The following UBXN2A variants were observed in gnomAD, a reference collection of about 807,000 sequenced individuals.
The protein encoded by UBXN2A is UBX domain-containing protein 2A.
Under a neutral mutation model 28.4 loss-of-function variants are expected in UBXN2A, and 28 were observed. The observed-to-expected ratio is 0.99, with a 90% CI of 0.73 to 1.35. UBXN2A has a LOEUF of 1.35. Among genes scored for constraint, UBXN2A ranks in the 40% most tolerant of loss-of-function variants. The pLI, the probability that UBXN2A is intolerant of heterozygous loss-of-function variation, is 0.00. For synonymous variants in UBXN2A, 97 were observed against 103.6 expected (o/e 0.94, Z 0.39); for missense variants, 253 against 297.9 (o/e 0.85, Z 1.11).
chr2:23,965,635 T>C (rs900078141), intron 2 of UBXN2A, among the ~76,000 whole-genome samples: 1 of 152,208 alleles, frequency 6.6e-6, no homozygotes, highest in Non-Finnish European at 1.5e-5. Context: ...TTTTGTTGAG[T>C]ATTTTTGCAT....
At chr2:23,960,996 A>G (rs897135165) in intron 2 of UBXN2A, among the ~76,000 whole-genome samples, 2 of 151,796 alleles carry the variant, frequency 1.3e-5, no homozygotes, top group Non-Finnish European at 2.9e-5. Flanking sequence ...GCAGTTATAC[A>G]ATATGTGGTC....
At chr2:23,943,458 G>T (rs893308669) in intron 1 of UBXN2A, among the ~76,000 whole-genome samples, 1 of 152,090 alleles carries the variant, frequency 6.6e-6, no homozygotes, top group African/African-American at 2.4e-5. Context: ...AGGAATCATG[G>T]AAGGTTTTCT....
chr2:23,990,532 C>CCG (rs1708313723), intron 6 of UBXN2A, among the ~76,000 whole-genome samples: 1 of 27,882 alleles, frequency 3.6e-5, no homozygotes, highest in African/African-American at 1.5e-4. Flanking sequence ...TTTGGGAGGC[C>CCG]GGGGGGGCGG....
chr2:23,968,718 GTA>G (rs1325073684), intron 2 of UBXN2A, among the ~76,000 whole-genome samples: 4 of 150,304 alleles, frequency 2.7e-5, no homozygotes, highest in Non-Finnish European at 5.9e-5. Context: ...TCCTGGCACA[GTA>G]TAAGAGGTAT....
intron 2 of UBXN2A, among the ~76,000 whole-genome samples, chr2:23,963,289 G>A (rs1308067820): frequency 2.6e-5 from 4 of 151,892 alleles, no homozygotes; most frequent in Admixed American, 2.0e-4. Context: ...GGCTGAGGCG[G>A]GCGGATCACG....
intron 2 of UBXN2A, among the ~76,000 whole-genome samples, chr2:23,963,357 A>C (rs1389345327): frequency 6.6e-6 from 1 of 152,036 alleles, no homozygotes; most frequent in Non-Finnish European, 1.5e-5. Context: ...TCTACTAAAA[A>C]TACAAAAAGT....
At chr2:23,997,604 C>T (rs1460535383) in intron 6 of UBXN2A, among the ~76,000 whole-genome samples, 7 of 151,704 alleles carry the variant, frequency 4.6e-5, no homozygotes, top group African/African-American at 1.7e-4. Context: ...GGCACCACCA[C>T]ACCCAGCTAG....
chr2:23,977,074 G>C lies in UBXN2A; in HGVS notation c.286G>C (p.Gly96Arg), dbSNP rs986780230. The change falls in exon 4 of 7, where the codon GGG becomes CGG. Residue 96 changes from glycine (G) to arginine (R), a missense_variant and splice_region_variant. Coordinates refer to ENST00000309033, the MANE Select transcript of UBXN2A (RefSeq NM_181713.4). Reference sequence around the variant, plus strand: ...GCAGTTTTTGAACTCCATCAAAAAGGGGTGAGTAGCCAGGTGTGGTAGGTC... The same window carrying C: ...GCAGTTTTTGAACTCCATCAAAAAGCGGTGAGTAGCCAGGTGTGGTAGGTC... ...SQQFLNSIKK[G>R]ELPSELQGIF... 1.9e-6 allele frequency: 3 copies of C among 1,610,436 alleles called. No individual in the cohort carries two copies. The highest frequency in any genetic ancestry group is 3.3e-5 in the Admixed American group (2 of 59,912).
intron 6 of UBXN2A, 57 bp from the exon 7 acceptor site, chr2:23,999,615 A>G: frequency 6.5e-7 from 1 of 1,528,002 alleles, no homozygotes; most frequent in Non-Finnish European, 8.9e-7. Flanking sequence ...TTGTTACTAT[A>G]AATTAGGTAA....
chr2:23,927,643 G>GA lies in UBXN2A; in HGVS notation c.-138+31dup, dbSNP rs1553465130. ...AAGCTTAAGAAGAGAAGGGGGGGGG[G>GA]AAACACCATGCTAGAACTCTGCGTT... On this transcript the variant is annotated intron_variant, in intron 1 of 7. Transcript: ENST00000404924. The GA allele has an allele frequency of 7.7e-3, 1,098 of 142,590 alleles. 11 individuals carry two copies. The highest frequency in any genetic ancestry group is 0.038 in the East Asian group (172 of 4,554). The allele number at this position is 142,590 out of a possible 1,614,324, so 8.8% of individuals were successfully genotyped here.
chr2:23,950,435 G>C (rs1451248966), intron 1 of UBXN2A, among the ~76,000 whole-genome samples: 1 of 151,592 alleles, frequency 6.6e-6, no homozygotes, highest in Non-Finnish European at 1.5e-5. Flanking sequence ...ACGGATTCTC[G>C]CTCTGTTGTC....
At chr2:23,994,471 T>C (rs80188431) in intron 6 of UBXN2A, among the ~76,000 whole-genome samples, 4,114 of 152,320 alleles carry the variant, frequency 0.027, 85 homozygotes, top group South Asian at 0.075. Flanking sequence ...TTATATTCTT[T>C]TCTAATTTTT....
chr2:23,933,356 A>T (rs1705431948), intron 1 of UBXN2A, among the ~76,000 whole-genome samples: 1 of 151,792 alleles, frequency 6.6e-6, no homozygotes, highest in African/African-American at 2.4e-5. Flanking sequence ...AAAATACAAA[A>T]TTAGCTGGGC....
At position 23,990,326 on chromosome 2, in the gene UBXN2A, T is replaced by C. The variant is rs1708305912; in HGVS notation, c.584+5495T>C. On this transcript the variant is annotated intron_variant, in intron 6 of 6. Coordinates refer to ENST00000309033, the MANE Select transcript of UBXN2A (RefSeq NM_181713.4). ...CACACTGCAGTCAACTGCTCTTCCA[T>C]ATGAATGCTTTTTTACTCTGCTTGG... 2.0e-5 allele frequency among the ~76,000 whole-genome samples: 3 copies of C among 151,784 alleles called. 1 individual carries two copies. In the South Asian group the frequency reaches 6.3e-4, roughly 32 times the overall value.
At chr2:23,991,109 TTG>T (rs1708336188) in intron 6 of UBXN2A, among the ~76,000 whole-genome samples, 2 of 152,310 alleles carry the variant, frequency 1.3e-5, no homozygotes, top group Admixed American at 1.3e-4. Context: ...CATTAAAAAA[TTG>T]TGTTTTTCTT....
At chr2:23,969,402 T>G (rs546305601) in intron 2 of UBXN2A, among the ~76,000 whole-genome samples, 1 of 150,398 alleles carries the variant, frequency 6.6e-6, no homozygotes, top group Admixed American at 6.6e-5. Flanking sequence ...TTTGCTCTGT[T>G]GCCAGGCTGG....
chr2:23,962,019 A>G (rs1445218171), intron 2 of UBXN2A, among the ~76,000 whole-genome samples: 2 of 151,702 alleles, frequency 1.3e-5, no homozygotes, highest in African/African-American at 4.8e-5. Flanking sequence ...TAATTTTTGT[A>G]CTTTTAGTAG....
At chr2:23,956,815 G>T (rs2150831094) in intron 1 of UBXN2A, among the ~76,000 whole-genome samples, 1 of 152,270 alleles carries the variant, frequency 6.6e-6, no homozygotes, top group East Asian at 1.9e-4. Flanking sequence ...GGCACTTGAT[G>T]TGCTCATTGC....
At chr2:23,972,353 C>G (rs1233664994) in intron 3 of UBXN2A, among the ~76,000 whole-genome samples, 2 of 152,080 alleles carry the variant, frequency 1.3e-5, no homozygotes, top group Non-Finnish European at 2.9e-5. Flanking sequence ...GATTTTGAGT[C>G]TTGAATTTGG....
Sources: allele counts gnomAD v4.1 joint callset (sites outside exome capture counted in the v4.1 genomes callset), GRCh38; gene constraint gnomAD v4.1.1; transcripts MANE v1.5; gene names NCBI Gene and HGNC (gene_info 2026-07-23, HGNC 2026-07-21).